HSD17B12: variants seen among roughly 807,000 people sequenced by gnomAD.
The protein encoded by HSD17B12 is hydroxysteroid 17-beta dehydrogenase 12.
A neutral mutation model predicts 39.3 loss-of-function variants in HSD17B12; 32 were observed. The ratio of observed to expected loss-of-function variants is 0.81; its 90% CI spans 0.61 to 1.09. The LOEUF (loss-of-function observed/expected upper bound fraction) is 1.09, where lower values mean the gene tolerates loss of function less well. Ranked by LOEUF, HSD17B12 falls within the 50% of genes least tolerant of loss-of-function variation. The probability of loss-of-function intolerance (pLI) is 0.00; values close to 1 mark genes in which losing one functional copy is unlikely to be tolerated. For synonymous variants in HSD17B12, 150 were observed against 146.7 expected (o/e 1.02, Z -0.16); for missense variants, 342 against 382.9 (o/e 0.89, Z 0.89).
intron 9 of HSD17B12, among the ~76,000 whole-genome samples, chr11:43,842,129 C>T (rs767714154): frequency 2.0e-5 from 3 of 152,192 alleles, no homozygotes; most frequent in Non-Finnish European, 2.9e-5. Context: ...ACATTGAACA[C>T]TTACTGGATC....
At chr11:43,597,937 C>T in the HSD17B12 span, among the ~76,000 whole-genome samples, 1 of 152,096 alleles carries the variant, frequency 6.6e-6, no homozygotes, top group African/African-American at 2.4e-5. Flanking sequence ...GCCCAGCCCC[C>T]TCCTGCTTTT....
chr11:43,741,223 T>C (rs1950361573), intron 1 of HSD17B12, among the ~76,000 whole-genome samples: 2 of 152,226 alleles, frequency 1.3e-5, no homozygotes, highest in South Asian at 2.1e-4. Flanking sequence ...TTTACACTAA[T>C]AGTCTATGTT....
intron 1 of HSD17B12, among the ~76,000 whole-genome samples, chr11:43,710,332 A>G (rs1298069909): frequency 2.0e-5 from 3 of 152,230 alleles, no homozygotes; most frequent in Non-Finnish European, 4.4e-5. Context: ...AATTAGACAT[A>G]AAAAGACTTG....
chr11:43,844,717 T>C (rs1464621419), intron 9 of HSD17B12, among the ~76,000 whole-genome samples: 1 of 152,224 alleles, frequency 6.6e-6, no homozygotes, highest in Non-Finnish European at 1.5e-5. Context: ...AGACTAAGAC[T>C]AAATCCTAAA....
the HSD17B12 span, among the ~76,000 whole-genome samples, chr11:43,561,567 T>C: frequency 1.3e-5 from 2 of 152,226 alleles, no homozygotes; most frequent in Admixed American, 1.3e-4. Context: ...ACCTAGAGAA[T>C]GAAGACTATG....
At chr11:43,559,338 T>C in the HSD17B12 span, among the ~76,000 whole-genome samples, 2 of 152,196 alleles carry the variant, frequency 1.3e-5, no homozygotes, top group Non-Finnish European at 2.9e-5. Flanking sequence ...AGCTGTGGTC[T>C]TCTAGGGACC....
intron 9 of HSD17B12, among the ~76,000 whole-genome samples, chr11:43,843,473 T>A (rs1472114539): frequency 1.3e-5 from 2 of 152,174 alleles, no homozygotes; most frequent in African/African-American, 4.8e-5. Context: ...TGGCTGCCCA[T>A]AAGGTTTAGG....
chr11:43,594,837 AT>A, the HSD17B12 span, among the ~76,000 whole-genome samples: 14 of 151,954 alleles, frequency 9.2e-5, no homozygotes, highest in East Asian at 1.9e-4. Context: ...CCAAAAAAAG[AT>A]TTTTTTTGTC....
Position 43,766,572 on chromosome 11 carries a change from A to G in HSD17B12, c.283+12451A>G, listed in dbSNP as rs574884997. 2.4e-4 allele frequency among the ~76,000 whole-genome samples: 36 copies of G among 152,286 alleles called. 1 individual carries two copies. Among genetic ancestry groups the G allele is most frequent in the African/African-American group, 8.7e-4 (36 of 41,546 alleles). ...TTAACCATCATAGATTTCCTGGTAA[A>G]TATTACCATCATTGCATGTGTCCAT... On this transcript the variant is annotated intron_variant, in intron 3 of 10. Transcript: ENST00000278353.
intron 1 of HSD17B12, among the ~76,000 whole-genome samples, chr11:43,696,060 T>C (rs1007561726): frequency 7.2e-5 from 11 of 152,184 alleles, no homozygotes; most frequent in African/African-American, 2.7e-4. Context: ...GTTCTCATCA[T>C]CTATTATAGT....
At chr11:43,771,462 CTTTTTTTTTTT>C (rs34783257) in intron 3 of HSD17B12, among the ~76,000 whole-genome samples, 3 of 90,640 alleles carry the variant, frequency 3.3e-5, no homozygotes, top group Non-Finnish European at 6.0e-5. Flanking sequence ...GACTCATATT[CTTTTTTTTTTT>C]TTTTTTTTTT....
chr11:43,671,025 G>A, the HSD17B12 span, among the ~76,000 whole-genome samples: 22 of 152,182 alleles, frequency 1.4e-4, no homozygotes, highest in Admixed American at 1.3e-3. Flanking sequence ...GCCAAATTAA[G>A]GATTCAGGTA....
chr11:43,755,598 G>A (rs563691257), intron 3 of HSD17B12: 1 of 152,332 alleles, frequency 6.6e-6, no homozygotes, highest in South Asian at 2.1e-4. Flanking sequence ...TTCTTTCAAT[G>A]AGAATTGATG....
chr11:43,568,952 T>C, the HSD17B12 span, among the ~76,000 whole-genome samples: 4 of 152,210 alleles, frequency 2.6e-5, no homozygotes, highest in Admixed American at 1.3e-4. Flanking sequence ...TTACTGTTGG[T>C]CTCTCACCAG....
At chr11:43,615,911 C>T in the HSD17B12 span, among the ~76,000 whole-genome samples, 1 of 152,212 alleles carries the variant, frequency 6.6e-6, no homozygotes, top group East Asian at 1.9e-4. Flanking sequence ...AAGAGCATGG[C>T]CAAGGCAATG....
At chr11:43,734,648 C>T in intron 1 of HSD17B12, 1 of 258,630 alleles carries the variant, frequency 3.9e-6, no homozygotes, top group South Asian at 6.1e-5. Context: ...TCTGCCCCCA[C>T]CCCAGAAATC....
intron 1 of HSD17B12, among the ~76,000 whole-genome samples, chr11:43,709,519 T>C (rs1295276592): frequency 1.3e-5 from 2 of 152,244 alleles, no homozygotes; most frequent in African/African-American, 4.8e-5. Flanking sequence ...CTTAATGTCT[T>C]TGATGCAATG....
chr11:43,734,287 C>T, intron 1 of HSD17B12: 4 of 1,244,144 alleles, frequency 3.2e-6, no homozygotes, highest in Non-Finnish European at 3.5e-6. Context: ...GGAAGGAGTT[C>T]ACAGAAGCCG....
chr11:43,717,609 T>G (rs561999960), intron 1 of HSD17B12, among the ~76,000 whole-genome samples: 8 of 152,252 alleles, frequency 5.3e-5, no homozygotes, highest in Admixed American at 2.6e-4. Flanking sequence ...CACCTCCATG[T>G]CTGGGGCCTT....
Sources: allele counts gnomAD v4.1 joint callset (sites outside exome capture counted in the v4.1 genomes callset), GRCh38; gene constraint gnomAD v4.1.1; transcripts MANE v1.5; gene names NCBI Gene and HGNC (gene_info 2026-07-23, HGNC 2026-07-21).